The following STK39 variants were observed in gnomAD, a reference collection of about 807,000 sequenced individuals.
STK39 encodes the protein STE20/SPS1-related proline-alanine-rich protein kinase.
In STK39, 20 loss-of-function variants were observed where a neutral mutation model predicts 77.8. The ratio of observed to expected loss-of-function variants is 0.26; its 90% CI spans 0.18 to 0.37. The LOEUF is 0.37. Among genes scored for constraint, STK39 ranks in the 10% least tolerant of loss-of-function variants. The pLI is 1.00. For synonymous variants in STK39, 246 were observed against 234.1 expected (o/e 1.05, Z -0.47); for missense variants, 479 against 656.5 (o/e 0.73, Z 2.95).
At chr2:168,162,784 T>G (rs1228455864) in intron 4 of STK39, among the ~76,000 whole-genome samples, 1 of 152,050 alleles carries the variant, frequency 6.6e-6, no homozygotes, top group African/African-American at 2.4e-5. Flanking sequence ...TCCTAGCACT[T>G]TGGGAGGCTA....
rs577390597 is a variant in STK39, at chr2:168,116,566, TC to T, written c.1089+12974del. On this transcript the variant is annotated intron_variant, in intron 10 of 17. Transcript: ENST00000355999. Reference sequence around the variant, plus strand: ...GAGCCCTGAATCTTTGTTAAGTCAATCAAGTTTGATTAGCCTAAAACAAGCA... The same window carrying T: ...GAGCCCTGAATCTTTGTTAAGTCAATAAGTTTGATTAGCCTAAAACAAGCA... Among the ~76,000 whole-genome samples the T allele has an allele frequency of 7.9e-4, 120 of 152,276 alleles. 1 individual carries two copies. The Middle Eastern group carries it at 0.01, about 13-fold the overall frequency.
intron 7 of STK39, among the ~76,000 whole-genome samples, chr2:168,138,471 C>T (rs1043171642): frequency 6.6e-6 from 1 of 152,186 alleles, no homozygotes; most frequent in African/African-American, 2.4e-5. Context: ...TAAGAATGAT[C>T]CCGGACAGAG....
intron 1 of STK39, among the ~76,000 whole-genome samples, chr2:168,183,331 A>G (rs1436532470): frequency 6.6e-6 from 1 of 152,084 alleles, no homozygotes; most frequent in East Asian, 1.9e-4. Context: ...AAGAAAATCC[A>G]CACACACATA....
intron 14 of STK39, among the ~76,000 whole-genome samples, chr2:168,033,647 C>T (rs34721810): frequency 0.13 from 20,060 of 152,248 alleles, 1,556 homozygotes; most frequent in Middle Eastern, 0.18. Flanking sequence ...GGGAGCATAA[C>T]TCCTTGTAAC....
intron 16 of STK39, among the ~76,000 whole-genome samples, chr2:168,008,100 T>C (rs143068497): frequency 3.3e-5 from 5 of 152,258 alleles, no homozygotes; most frequent in Non-Finnish European, 7.4e-5. Context: ...ACTCCATGGA[T>C]TTGCCTACTC....
chr2:168,132,358 C>T (rs370785986), intron 8 of STK39, among the ~76,000 whole-genome samples: 27 of 152,138 alleles, frequency 1.8e-4, no homozygotes, highest in African/African-American at 5.8e-4. Flanking sequence ...CTATTTCCAA[C>T]CCATCATCCA....
At chr2:168,091,160 AC>A (rs1351862200) in intron 10 of STK39, among the ~76,000 whole-genome samples, 43 of 151,790 alleles carry the variant, frequency 2.8e-4, no homozygotes, top group Non-Finnish European at 5.6e-4. Context: ...GCACACACAC[AC>A]ACACACACAC....
At chr2:168,149,444 C>T (rs777789489) in intron 5 of STK39, among the ~76,000 whole-genome samples, 5 of 152,242 alleles carry the variant, frequency 3.3e-5, no homozygotes, top group Non-Finnish European at 5.9e-5. Flanking sequence ...TGTGACATCT[C>T]TAGGTCCCCT....
chr2:168,051,498 C>G (rs1443951191), intron 14 of STK39, among the ~76,000 whole-genome samples: 2 of 152,158 alleles, frequency 1.3e-5, no homozygotes, highest in Non-Finnish European at 2.9e-5. Context: ...AGCAATAGTT[C>G]ACAGAAGACA....
At chr2:168,129,178 T>C (rs1204631337) in intron 10 of STK39, among the ~76,000 whole-genome samples, 1 of 152,240 alleles carries the variant, frequency 6.6e-6, no homozygotes, top group Non-Finnish European at 1.5e-5. Flanking sequence ...TCTTCATCGT[T>C]ACAAACTTTA....
intron 1 of STK39, among the ~76,000 whole-genome samples, chr2:168,197,080 G>A (rs1225566484): frequency 6.6e-6 from 1 of 152,192 alleles, no homozygotes; most frequent in Non-Finnish European, 1.5e-5. Context: ...AAGATTGTAC[G>A]CAGGGCAAGA....
chr2:168,132,072 T>C (rs1215300838), intron 8 of STK39, among the ~76,000 whole-genome samples: 4 of 152,116 alleles, frequency 2.6e-5, no homozygotes, highest in Non-Finnish European at 5.9e-5. Context: ...GGAGAAGGGC[T>C]CCTGAGGGAA....
At chr2:168,087,255 A>G (rs4668014) in intron 10 of STK39, among the ~76,000 whole-genome samples, 14,715 of 152,248 alleles carry the variant, frequency 0.097, 928 homozygotes, top group East Asian at 0.22. Context: ...AGAAGCACAC[A>G]GCCAACCAAA....
intron 8 of STK39, among the ~76,000 whole-genome samples, chr2:168,130,831 G>A (rs1166259152): frequency 2.0e-5 from 3 of 152,148 alleles, no homozygotes; most frequent in African/African-American, 7.2e-5. Flanking sequence ...ATCAAATAAC[G>A]GGAGTATAGG....
chr2:167,971,251 G>A (rs999781522), intron 16 of STK39, among the ~76,000 whole-genome samples: 14 of 152,132 alleles, frequency 9.2e-5, no homozygotes, highest in Non-Finnish European at 1.8e-4. Context: ...ACTGGGTTTG[G>A]AAGTCATGAC....
intron 11 of STK39, 30 bp from the exon 12 acceptor site, chr2:168,075,041 A>G: frequency 6.2e-7 from 1 of 1,613,786 alleles, no homozygotes; most frequent in Non-Finnish European, 8.5e-7. Context: ...CCATTAATAT[A>G]TATACACACA....
chr2:168,020,702 C>T (rs186488093), intron 14 of STK39, among the ~76,000 whole-genome samples: 4 of 150,678 alleles, frequency 2.7e-5, no homozygotes, highest in Admixed American at 1.3e-4. Flanking sequence ...CATTTAATTC[C>T]AATAATTAAC....
Position 168,191,860 on chromosome 2 carries a change from A to G in STK39, c.209-9770T>C, listed in dbSNP as rs935451562. ...AGACTGAGTTAACACAGAGTTACTC[A>G]GGAAGCTGTAGGAAGCAGCTACCAC... On this transcript the variant is annotated intron_variant, in intron 1 of 17. Transcript: ENST00000355999. Among the ~76,000 whole-genome samples, 8 of 152,346 alleles carry G rather than the reference A, an allele frequency of 5.3e-5. No homozygotes were observed. In the East Asian group the frequency reaches 1.5e-3, roughly 29 times the overall value.
rs368876007 is a variant in STK39, at chr2:168,143,753, G to T, written c.629-2995C>A. Among the ~76,000 whole-genome samples, 8 of 151,078 alleles carry T rather than the reference G, an allele frequency of 5.3e-5. No homozygotes were observed. The East Asian group carries it at 9.7e-4, about 18-fold the overall frequency. The stretch of plus-strand genomic sequence containing the variant: ...TCTTTCAAGGCTCCCTGTCCCCTCA[G>T]GAAAAAGTCAAAATCCTTCAGCATA... On this transcript the variant is annotated intron_variant, in intron 5 of 17. Coordinates refer to ENST00000355999, the MANE Select transcript of STK39 (RefSeq NM_013233.3).
Sources: gnomAD v4.1 joint callset for allele counts (sites outside exome capture counted in the v4.1 genomes callset) on GRCh38, gnomAD v4.1.1 for gene constraint, MANE v1.5 for transcripts, NCBI Gene and HGNC (gene_info 2026-07-23, HGNC 2026-07-21) for gene names.